MGAT4C: variants seen among roughly 807,000 people sequenced by gnomAD.
MGAT4C encodes MGAT4 family member C, also known as alpha-1,3-mannosyl-glycoprotein 4-beta-N-acetylglucosaminyltransferase C.
Under a neutral mutation model 40.1 loss-of-function variants are expected in MGAT4C, and 19 were observed. The observed-to-expected ratio is 0.47, with a 90% confidence interval of 0.33 to 0.70. The LOEUF (loss-of-function observed/expected upper bound fraction) is 0.70, where lower values mean the gene tolerates loss of function less well. MGAT4C is among the 30% of genes least tolerant of loss of function. MGAT4C has a pLI of 0.02. For missense variants in MGAT4C, 491 were observed against 563.2 expected (o/e 0.87, Z 1.30); for synonymous variants, 181 against 187.1 (o/e 0.97, Z 0.27).
chr12:86,279,402 G>A (rs757982330), intron 4 of MGAT4C, among the ~76,000 whole-genome samples: 1 of 152,050 alleles, frequency 6.6e-6, no homozygotes, highest in Non-Finnish European at 1.5e-5. Flanking sequence ...TATGTATCTA[G>A]AAATGTATTG....
intron 3 of MGAT4C, among the ~76,000 whole-genome samples, chr12:86,397,240 T>A (rs1016239151): frequency 1.3e-5 from 2 of 152,110 alleles, no homozygotes; most frequent in African/African-American, 4.8e-5. Context: ...ATTTAGTACT[T>A]TGTACATATT....
intron 1 of MGAT4C, among the ~76,000 whole-genome samples, chr12:86,774,347 C>CTTTATT (rs1565981724): frequency 2.4e-5 from 1 of 42,312 alleles, no homozygotes; most frequent in African/African-American, 6.3e-5. Flanking sequence ...TTCTGTCTCT[C>CTTTATT]TCTCTCCCCT....
At chr12:86,310,132 T>C (rs1244679475) in intron 4 of MGAT4C, among the ~76,000 whole-genome samples, 3 of 151,634 alleles carry the variant, frequency 2.0e-5, no homozygotes, top group African/African-American at 4.8e-5. Context: ...AGTCAAAGTG[T>C]TAAGCTAGGG....
intron 3 of MGAT4C, among the ~76,000 whole-genome samples, chr12:86,370,015 C>G (rs1955685656): frequency 6.6e-6 from 1 of 151,552 alleles, no homozygotes; most frequent in African/African-American, 2.4e-5. Flanking sequence ...TTTGTTTTCC[C>G]TATTTTGCAT....
At position 85,978,573 on chromosome 12, in the gene MGAT4C, A is replaced by C. The variant is rs1038564919; in HGVS notation, c.*716T>G. The C allele has an allele frequency of 2.0e-5, 3 of 151,810 alleles. No individual in the cohort carries two copies. The highest frequency in any genetic ancestry group is 4.4e-5 in the Non-Finnish European group (3 of 67,568). The allele number at this position is 151,810 out of a possible 1,614,324, so 9.4% of individuals were successfully genotyped here. On this transcript the variant is annotated 3_prime_UTR_variant, in exon 5 of 5. Transcript: ENST00000611864. The stretch of plus-strand genomic sequence containing the variant: ...AATGTAACCTGAAAATATTGAGCTT[A>C]ACTCTTCTTTTTTTTTTTCAAAAGG...
intron 2 of MGAT4C, among the ~76,000 whole-genome samples, chr12:86,626,231 T>G (rs1962799500): frequency 6.6e-6 from 1 of 152,158 alleles, no homozygotes; most frequent in Non-Finnish European, 1.5e-5. Context: ...AAAAATTGAG[T>G]AAGTACACAG....
At chr12:86,661,961 C>T (rs1266357911) in intron 2 of MGAT4C, among the ~76,000 whole-genome samples, 1 of 151,932 alleles carries the variant, frequency 6.6e-6, no homozygotes, top group Non-Finnish European at 1.5e-5. Flanking sequence ...ATAAATAAAC[C>T]AAAAACAGAA....
intron 1 of MGAT4C, among the ~76,000 whole-genome samples, chr12:86,077,992 G>A (rs1195378820): frequency 2.0e-5 from 3 of 152,100 alleles, no homozygotes; most frequent in South Asian, 2.1e-4. Context: ...TGATGGCAGC[G>A]TTCCTCCCTC....
chr12:86,184,758 A>C (rs1341903271), intron 1 of MGAT4C, among the ~76,000 whole-genome samples: 7 of 150,866 alleles, frequency 4.6e-5, no homozygotes, highest in East Asian at 2.0e-4. Flanking sequence ...AAAAAAAAAA[A>C]AAAAAACTAT....
intron 3 of MGAT4C, among the ~76,000 whole-genome samples, chr12:86,408,141 G>A (rs1956512398): frequency 6.6e-6 from 1 of 151,726 alleles, no homozygotes; most frequent in African/African-American, 2.4e-5. Context: ...AATCTCTTGT[G>A]TTTTAAAAAA....
intron 4 of MGAT4C, among the ~76,000 whole-genome samples, chr12:86,277,690 A>G (rs1953110778): frequency 6.6e-6 from 1 of 152,192 alleles, no homozygotes; most frequent in Non-Finnish European, 1.5e-5. Flanking sequence ...CCTTTGTTGA[A>G]AATGAGTTCA....
At position 86,460,093 on chromosome 12, in the gene MGAT4C, C is replaced by T. The variant is rs1346643805; in HGVS notation, c.-228-24828G>A. Among the ~76,000 whole-genome samples, 3 of 152,010 alleles carry T rather than the reference C, an allele frequency of 2.0e-5. No homozygotes were observed. In the East Asian group the frequency reaches 5.8e-4, roughly 30 times the overall value. On this transcript the variant is annotated intron_variant, in intron 2 of 7. Transcript: ENST00000548651. ...AGGCGTTGGTGTGATGGTGCCCACCCACGCAGACACTTAAAAGGCTGAGGT... is the reference window on the plus strand; with the variant it reads ...AGGCGTTGGTGTGATGGTGCCCACCTACGCAGACACTTAAAAGGCTGAGGT...
chr12:86,362,345 G>T (rs951838779), intron 3 of MGAT4C, among the ~76,000 whole-genome samples: 6 of 152,118 alleles, frequency 3.9e-5, no homozygotes, highest in African/African-American at 1.4e-4. Flanking sequence ...CATGGGGTGA[G>T]GGGAGGAGGG....
chr12:86,664,861 C>T (rs1294705226), intron 2 of MGAT4C, among the ~76,000 whole-genome samples: 2 of 151,926 alleles, frequency 1.3e-5, no homozygotes, highest in African/African-American at 4.8e-5. Context: ...TATAAACTAA[C>T]TTTTTTTTGG....
chr12:86,243,937 T>C (rs916162270), intron 1 of MGAT4C, among the ~76,000 whole-genome samples: 3 of 152,200 alleles, frequency 2.0e-5, no homozygotes, highest in Non-Finnish European at 4.4e-5. Context: ...ACATTTTTCA[T>C]GCAGTGAGAA....
intron 2 of MGAT4C, among the ~76,000 whole-genome samples, chr12:86,717,474 T>C (rs974408682): frequency 6.6e-6 from 1 of 152,116 alleles, no homozygotes; most frequent in Non-Finnish European, 1.5e-5. Context: ...GCAATTATCT[T>C]CAAAATTTGA....
intron 1 of MGAT4C, among the ~76,000 whole-genome samples, chr12:86,250,577 T>G (rs996967290): frequency 1.3e-5 from 2 of 152,098 alleles, no homozygotes; most frequent in African/African-American, 4.8e-5. Context: ...TTTGAAACTC[T>G]CATTGACTTA....
At chr12:86,204,322 T>C (rs1320987285) in intron 1 of MGAT4C, among the ~76,000 whole-genome samples, 1 of 152,052 alleles carries the variant, frequency 6.6e-6, no homozygotes. Context: ...ATTGATGATA[T>C]AAAATAATTC....
At chr12:86,524,324 G>C (rs545983720) in intron 2 of MGAT4C, among the ~76,000 whole-genome samples, 2 of 152,218 alleles carry the variant, frequency 1.3e-5, no homozygotes, top group South Asian at 4.1e-4. Context: ...GGCTGAAAAG[G>C]ACCTTATTTT....
Sources: allele counts gnomAD v4.1 joint callset (sites outside exome capture counted in the v4.1 genomes callset), GRCh38; gene constraint gnomAD v4.1.1; transcripts MANE v1.5; gene names NCBI Gene and HGNC (gene_info 2026-07-23, HGNC 2026-07-21).